Variants in ANGPTL5 observed in about 807,000 individuals in gnomAD.
ANGPTL5 encodes angiopoietin like 5.
ANGPTL5 carries 34 observed loss-of-function variants against 39.4 expected under a neutral mutation model. The observed-to-expected ratio is 0.86, with a 90% CI of 0.66 to 1.15. The LOEUF (loss-of-function observed/expected upper bound fraction) is 1.15, where lower values mean the gene tolerates loss of function less well. Among genes scored for constraint, ANGPTL5 ranks in the 50% most tolerant of loss-of-function variants. The probability of loss-of-function intolerance (pLI) is 0.00; values close to 1 mark genes in which losing one functional copy is unlikely to be tolerated. For synonymous variants in ANGPTL5, 146 were observed against 152.1 expected, an observed-to-expected ratio of 0.96 and a Z score of 0.29; for missense variants, 467 against 457.5, an observed-to-expected ratio of 1.02 and a Z score of -0.19.
At chr11:101,892,384 C>G (rs1207629358) in intron 8 of ANGPTL5, among the ~76,000 whole-genome samples, 1 of 152,070 alleles carries the variant, frequency 6.6e-6, no homozygotes, top group African/African-American at 2.4e-5. Context: ...GCACACACCA[C>G]CACACCCAGC....
At chr11:101,895,865 G>T (rs1939781963) in intron 7 of ANGPTL5, among the ~76,000 whole-genome samples, 1 of 152,118 alleles carries the variant, frequency 6.6e-6, no homozygotes, top group Non-Finnish European at 1.5e-5. Flanking sequence ...GAAAATAAGG[G>T]TCCAGTCAAA....
At chr11:101,909,475 A>G (rs928665394) in intron 1 of ANGPTL5, among the ~76,000 whole-genome samples, 19 of 152,340 alleles carry the variant, frequency 1.2e-4, no homozygotes, top group African/African-American at 4.3e-4. Context: ...AATATTGATG[A>G]CTTTTATAAT....
At chr11:101,893,785 T>C (rs1939745674) in intron 8 of ANGPTL5, among the ~76,000 whole-genome samples, 1 of 152,186 alleles carries the variant, frequency 6.6e-6, no homozygotes, top group African/African-American at 2.4e-5. Context: ...ATATCACAAG[T>C]GTAAACCCCT....
intron 8 of ANGPTL5, among the ~76,000 whole-genome samples, chr11:101,892,575 C>T (rs147274053): frequency 6.6e-6 from 1 of 152,144 alleles, no homozygotes; most frequent in African/African-American, 2.4e-5. Context: ...AATAACCCTG[C>T]AATGATTAAG....
At chr11:101,896,156 A>T (rs1201458354) in intron 7 of ANGPTL5, among the ~76,000 whole-genome samples, 1 of 139,622 alleles carries the variant, frequency 7.2e-6, no homozygotes, top group Non-Finnish European at 1.5e-5. Flanking sequence ...CTGTAATCCT[A>T]TATTTATTTA....
At chr11:101,900,357 G>T in intron 7 of ANGPTL5, 73 bp downstream of exon 7, 2 of 1,465,630 alleles carry the variant, frequency 1.4e-6, no homozygotes, top group South Asian at 1.1e-5. Flanking sequence ...CTACAGATCT[G>T]ACCAATAGAG....
chr11:101,900,887 T>C (rs1939883379), intron 6 of ANGPTL5, among the ~76,000 whole-genome samples: 2 of 152,068 alleles, frequency 1.3e-5, no homozygotes, highest in African/African-American at 4.8e-5. Flanking sequence ...AATCTCCCTC[T>C]GTCGCCCAGG....
chr11:101,909,793 G>A (rs1339126043), intron 1 of ANGPTL5, among the ~76,000 whole-genome samples: 1 of 152,166 alleles, frequency 6.6e-6, no homozygotes, highest in East Asian at 1.9e-4. Flanking sequence ...TAAATAAGCA[G>A]GAGGCCATTG....
At chr11:101,909,646 T>G (rs1478451116) in intron 1 of ANGPTL5, among the ~76,000 whole-genome samples, 1 of 152,022 alleles carries the variant, frequency 6.6e-6, no homozygotes, top group Non-Finnish European at 1.5e-5. Flanking sequence ...CAGAGACCAA[T>G]TCAGGAAATT....
chr11:101,896,337 C>A (rs1205922171), intron 7 of ANGPTL5, among the ~76,000 whole-genome samples: 1 of 151,574 alleles, frequency 6.6e-6, no homozygotes, highest in Admixed American at 6.6e-5. Flanking sequence ...GAGGCATGCA[C>A]CACCACCCCC....
In ANGPTL5 at chr11:101,903,336, C is replaced by T. The variant is rs529383588; in HGVS notation, c.440-615G>A. Among the ~76,000 whole-genome samples the T allele has an allele frequency of 2.0e-5, 3 of 152,154 alleles. No homozygotes were observed. In the East Asian group the frequency reaches 5.8e-4, roughly 29 times the overall value. On this transcript the variant is annotated intron_variant, in intron 5 of 8. Coordinates refer to ENST00000334289, the MANE Select transcript of ANGPTL5 (RefSeq NM_178127.5). ...CACCTTCTCCAAAGCACTCATCTCCCCAGGATTGTAAACACGTGTATGTGG... is the reference window on the plus strand; with the variant it reads ...CACCTTCTCCAAAGCACTCATCTCCTCAGGATTGTAAACACGTGTATGTGG...
rs1280458364 is a variant in ANGPTL5 at position 101,900,583 on chromosome 11, C to T, written c.541-33G>A. 1.9e-6 allele frequency: 3 copies of T among 1,592,632 alleles called. No homozygotes were observed. In the South Asian group the frequency reaches 3.3e-5, roughly 18 times the overall value. On this transcript the variant is annotated intron_variant, in intron 6 of 8. Coordinates refer to ENST00000334289, the MANE Select transcript of ANGPTL5 (RefSeq NM_178127.5). The stretch of plus-strand genomic sequence containing the variant: ...AAGCACAGAGAAGACCAAAATAATA[C>T]ACTATTATTTTCATTATTTGATAAT...
chr11:101,896,301 C>T (rs1417284840), intron 7 of ANGPTL5, among the ~76,000 whole-genome samples: 1 of 151,666 alleles, frequency 6.6e-6, no homozygotes, highest in African/African-American at 2.4e-5. Flanking sequence ...TCTCATGCCT[C>T]AGCCTCCCAA....
chr11:101,910,014 G>T (rs918002887), intron 1 of ANGPTL5, among the ~76,000 whole-genome samples: 6 of 152,206 alleles, frequency 3.9e-5, no homozygotes, highest in African/African-American at 1.4e-4. Context: ...TGCTCATGCT[G>T]CTGGGTGGAG....
rs1416220434 is a variant in ANGPTL5, at chr11:101,891,274, T to C, written c.*5A>G. 1.9e-6 allele frequency: 3 copies of C among 1,594,532 alleles called. No individual in the cohort carries two copies. The South Asian group carries it at 3.3e-5, about 18-fold the overall frequency. On this transcript the variant is annotated 3_prime_UTR_variant, in exon 9 of 9. Coordinates refer to ENST00000334289, the MANE Select transcript of ANGPTL5 (RefSeq NM_178127.5). The stretch of plus-strand genomic sequence containing the variant: ...GTAGAACTTGCATTACAATGTTAAA[T>C]GAGATTATTTAAAATATGGATTGTA...
At chr11:101,905,253 CTTA>C (rs1389216989) in intron 4 of ANGPTL5, among the ~76,000 whole-genome samples, 7 of 152,116 alleles carry the variant, frequency 4.6e-5, no homozygotes, top group African/African-American at 1.7e-4. Flanking sequence ...CATTTCCTTG[CTTA>C]AACACTACAG....
intron 1 of ANGPTL5, among the ~76,000 whole-genome samples, chr11:101,912,425 A>T (rs917876712): frequency 2.6e-5 from 4 of 152,214 alleles, no homozygotes; most frequent in Non-Finnish European, 5.9e-5. Flanking sequence ...CATAAATAAC[A>T]CTGACAAAAA....
At chr11:101,913,111 C>T (rs188049248) in intron 1 of ANGPTL5, among the ~76,000 whole-genome samples, 1 of 152,306 alleles carries the variant, frequency 6.6e-6, no homozygotes, top group East Asian at 1.9e-4. Context: ...TTCCATAAGC[C>T]ATAACTACAG....
chr11:101,893,519 G>T (rs1420213442), intron 8 of ANGPTL5, among the ~76,000 whole-genome samples: 1 of 152,022 alleles, frequency 6.6e-6, no homozygotes, highest in Non-Finnish European at 1.5e-5. Flanking sequence ...TCATAACCTT[G>T]TTGGGAAAAT....
Sources: allele counts gnomAD v4.1 joint callset (sites outside exome capture counted in the v4.1 genomes callset), GRCh38; gene constraint gnomAD v4.1.1; transcripts MANE v1.5; gene names NCBI Gene and HGNC (gene_info 2026-07-23, HGNC 2026-07-21).